CTNNA2: variants seen among roughly 807,000 people sequenced by gnomAD.
The protein encoded by CTNNA2 is catenin alpha-2.
In CTNNA2, 42 loss-of-function variants were observed where a neutral mutation model predicts 101.0. The observed-to-expected ratio is 0.42, with a 90% CI of 0.32 to 0.54. The LOEUF is 0.54. CTNNA2 is among the 20% of genes least tolerant of loss of function. CTNNA2 has a pLI of 0.14. For missense variants in CTNNA2, 871 were observed against 1,223.1 expected (o/e 0.71, Z 4.29); for synonymous variants, 450 against 456.4 (o/e 0.99, Z 0.18).
At chr2:79,508,680 AGT>A (rs1332809807), upstream of CTNNA2, among the ~76,000 whole-genome samples, 1 of 152,054 alleles carries the variant, frequency 6.6e-6, no homozygotes, top group African/African-American at 2.4e-5. Context: ...TATGGACAAC[AGT>A]GTGCTAAAAC....
intron 2 of CTNNA2, among the ~76,000 whole-genome samples, chr2:79,289,032 T>C (rs913429330): frequency 6.6e-6 from 1 of 152,244 alleles, no homozygotes; most frequent in Non-Finnish European, 1.5e-5. Flanking sequence ...TTTTTGTTTG[T>C]TTCATAATAG....
chr2:79,563,130 GA>G (rs1360268663), intron 1 of CTNNA2, among the ~76,000 whole-genome samples: 1 of 142,636 alleles, frequency 7.0e-6, no homozygotes, highest in East Asian at 2.1e-4. Context: ...TAGGCATTTG[GA>G]AAAAGGAAAA....
intron 6 of CTNNA2, among the ~76,000 whole-genome samples, chr2:79,907,426 AAG>A (rs1327075320): frequency 6.6e-6 from 1 of 152,132 alleles, no homozygotes; most frequent in Non-Finnish European, 1.5e-5. Context: ...ATGTGAGAGA[AAG>A]AGAGATGGTT....
chr2:79,528,574 A>T (rs1283767719), intron 1 of CTNNA2, among the ~76,000 whole-genome samples: 2 of 152,128 alleles, frequency 1.3e-5, no homozygotes, highest in Non-Finnish European at 2.9e-5. Flanking sequence ...TTATGCCTAT[A>T]ATGTAAGGCA....
At chr2:79,240,430 T>C (rs1674612350) in intron 2 of CTNNA2, among the ~76,000 whole-genome samples, 1 of 152,140 alleles carries the variant, frequency 6.6e-6, no homozygotes, top group South Asian at 2.1e-4. Context: ...CGTTCATGTG[T>C]ACTCAATATT....
At chr2:80,264,708 A>C (rs1040303379) in intron 7 of CTNNA2, among the ~76,000 whole-genome samples, 1 of 152,150 alleles carries the variant, frequency 6.6e-6, no homozygotes, top group South Asian at 2.1e-4. Context: ...CATTTCAACT[A>C]TGACTTGAAG....
chr2:79,666,649 A>G (rs10190617), intron 2 of CTNNA2, among the ~76,000 whole-genome samples: 37,707 of 152,082 alleles, frequency 0.25, 5,225 homozygotes, highest in East Asian at 0.45. Context: ...AGATTTTCAG[A>G]CGTTACTTCA....
chr2:79,338,380 G>A (rs1023891277), intron 3 of CTNNA2, among the ~76,000 whole-genome samples: 9 of 152,086 alleles, frequency 5.9e-5, no homozygotes, highest in South Asian at 2.1e-4. Flanking sequence ...CCAGTGTAAT[G>A]AGGGAGGATG....
chr2:80,355,616 T>C (rs564491651), intron 7 of CTNNA2, among the ~76,000 whole-genome samples: 2 of 152,310 alleles, frequency 1.3e-5, no homozygotes, highest in East Asian at 3.9e-4. Context: ...CTGGCTGATA[T>C]TCTAGTGATC....
At chr2:79,520,181 A>G (rs1189658005) in intron 1 of CTNNA2, among the ~76,000 whole-genome samples, 1 of 152,218 alleles carries the variant, frequency 6.6e-6, no homozygotes, top group East Asian at 1.9e-4. Flanking sequence ...TTGTGGATTG[A>G]CAAACACACC....
chr2:79,560,638 G>A (rs1431467910), intron 1 of CTNNA2, among the ~76,000 whole-genome samples: 1 of 151,860 alleles, frequency 6.6e-6, no homozygotes, highest in African/African-American at 2.4e-5. Context: ...GCAAAAGAAT[G>A]TCTTTTCCTA....
chr2:79,481,447 T>C (rs1671108741), intron 4 of CTNNA2, among the ~76,000 whole-genome samples: 1 of 152,042 alleles, frequency 6.6e-6, no homozygotes, highest in Non-Finnish European at 1.5e-5. Context: ...GAAGAGAGTA[T>C]GGGAAGAGTC....
At chr2:80,604,736 G>C (rs954565331) in intron 16 of CTNNA2, among the ~76,000 whole-genome samples, 24 of 151,956 alleles carry the variant, frequency 1.6e-4, no homozygotes, top group African/African-American at 4.3e-4. Flanking sequence ...AACCTGCCTT[G>C]TGGTCAGGGA....
At position 80,302,718 on chromosome 2, in the gene CTNNA2, C is replaced by T. The variant is rs1389864201; in HGVS notation, c.1057-90493C>T. On this transcript the variant is annotated intron_variant, in intron 7 of 18. Transcript: ENST00000402739. This position sits in a 1 kb window ranked among gnomAD's most constrained non-coding sequence, Gnocchi z 6.4. ...GAGAGCAGGTGGCCGCTGGTGGGCTCGGCCCCATCCTCGCACAGGTGGAAG... is the reference window on the plus strand; with the variant it reads ...GAGAGCAGGTGGCCGCTGGTGGGCTTGGCCCCATCCTCGCACAGGTGGAAG... The T allele has an allele frequency of 1.2e-6, 2 of 1,612,740 alleles. No homozygotes were observed. The highest frequency in any genetic ancestry group is 8.5e-7 in the Non-Finnish European group (1 of 1,179,810).
chr2:79,740,654 G>A (rs1671227163), intron 2 of CTNNA2, among the ~76,000 whole-genome samples: 1 of 152,142 alleles, frequency 6.6e-6, no homozygotes, highest in African/African-American at 2.4e-5. Context: ...AAAAAATGTA[G>A]TGAGACAAAT....
At chr2:80,538,577 G>T (rs750824749) in intron 9 of CTNNA2, among the ~76,000 whole-genome samples, 1 of 152,082 alleles carries the variant, frequency 6.6e-6, no homozygotes, top group Non-Finnish European at 1.5e-5. Context: ...CTGTTCCATT[G>T]GTCTATATGT....
At chr2:80,380,326 G>A (rs180918859) in intron 7 of CTNNA2, among the ~76,000 whole-genome samples, 2,817 of 152,046 alleles carry the variant, frequency 0.019, 38 homozygotes, top group Middle Eastern at 0.031. Context: ...GTGAGCCACC[G>A]CACCTGGCCA....
intron 3 of CTNNA2, among the ~76,000 whole-genome samples, chr2:79,846,106 A>T (rs1680214795): frequency 6.6e-6 from 1 of 152,208 alleles, no homozygotes; most frequent in Non-Finnish European, 1.5e-5. Flanking sequence ...GTTGCATTTT[A>T]AAATATAACT....
intron 12 of CTNNA2, among the ~76,000 whole-genome samples, chr2:80,564,847 G>A (rs1693913757): frequency 6.6e-6 from 1 of 152,140 alleles, no homozygotes; most frequent in Admixed American, 6.5e-5. Context: ...TGTTGTTCTT[G>A]CTCCTGGATT....
Sources: gnomAD v4.1 joint callset for allele counts (sites outside exome capture counted in the v4.1 genomes callset) on GRCh38, gnomAD v4.1.1 for gene constraint, Gnocchi (gnomAD v3.1) non-coding constraint, MANE v1.5 for transcripts, NCBI Gene and HGNC (gene_info 2026-07-23, HGNC 2026-07-21) for gene names.